REEP3: variants seen among roughly 807,000 people sequenced by gnomAD.
The protein encoded by REEP3 is receptor accessory protein 3.
A neutral mutation model predicts 41.3 loss-of-function variants in REEP3; 20 were observed. That is an observed-to-expected ratio of 0.48 (90% CI 0.34 to 0.70). The LOEUF is 0.70. Among genes scored for constraint, REEP3 ranks in the 30% least tolerant of loss-of-function variants. The pLI, the probability that REEP3 is intolerant of heterozygous loss-of-function variation, is 0.01. For missense variants in REEP3, 271 were observed against 308.8 expected, an observed-to-expected ratio of 0.88 and a Z score of 0.92; for synonymous variants, 104 against 101.8, an observed-to-expected ratio of 1.02 and a Z score of -0.13.
chr10:63,570,295 A>G (rs1564481385), intron 2 of REEP3, among the ~76,000 whole-genome samples: 1 of 152,216 alleles, frequency 6.6e-6, no homozygotes, highest in African/African-American at 2.4e-5. Context: ...TATAAACATG[A>G]TATGTATTGA....
intron 5 of REEP3, among the ~76,000 whole-genome samples, chr10:63,604,950 A>G (rs1205253369): frequency 6.6e-6 from 1 of 152,134 alleles, no homozygotes; most frequent in African/African-American, 2.4e-5. Context: ...TTGTGCCCCT[A>G]CCCTTACCAC....
intron 5 of REEP3, among the ~76,000 whole-genome samples, chr10:63,604,154 T>C (rs1956201841): frequency 6.6e-6 from 1 of 152,126 alleles, no homozygotes; most frequent in Non-Finnish European, 1.5e-5. Context: ...AAGGTGAAAA[T>C]AGGAATCTAA....
intron 1 of REEP3, among the ~76,000 whole-genome samples, chr10:63,524,283 C>G (rs1397963651): frequency 6.6e-6 from 1 of 152,120 alleles, no homozygotes; most frequent in East Asian, 1.9e-4. Context: ...ACTGAGACAA[C>G]CACCTCCTCC....
chr10:63,569,799 G>A (rs1049950375), intron 2 of REEP3, among the ~76,000 whole-genome samples: 20 of 151,878 alleles, frequency 1.3e-4, no homozygotes, highest in African/African-American at 2.2e-4. Context: ...AAAATTAGCC[G>A]GGTATGGTGG....
At chr10:63,610,836 C>T (rs1207084561) in intron 6 of REEP3, among the ~76,000 whole-genome samples, 1 of 151,956 alleles carries the variant, frequency 6.6e-6, no homozygotes, top group African/African-American at 2.4e-5. Context: ...TTTGGGAGGC[C>T]GAGGTGGGCG....
chr10:63,608,378 T>C (rs565153109), intron 5 of REEP3, among the ~76,000 whole-genome samples: 4 of 152,352 alleles, frequency 2.6e-5, no homozygotes, highest in South Asian at 4.1e-4. Context: ...AAATGGCATT[T>C]GGTTTTGACA....
intron 2 of REEP3, among the ~76,000 whole-genome samples, chr10:63,593,484 T>A (rs1362318231): frequency 6.6e-6 from 1 of 152,218 alleles, no homozygotes; most frequent in Non-Finnish European, 1.5e-5. Flanking sequence ...TTAATTATAT[T>A]TCCTACTTTG....
At chr10:63,535,817 A>G (rs1412570621) in intron 1 of REEP3, among the ~76,000 whole-genome samples, 1 of 152,242 alleles carries the variant, frequency 6.6e-6, no homozygotes, top group Non-Finnish European at 1.5e-5. Context: ...GATCTTTACT[A>G]CACAGCAGAC....
chr10:63,576,866 A>G (rs1486656426), intron 2 of REEP3, among the ~76,000 whole-genome samples: 2 of 152,182 alleles, frequency 1.3e-5, no homozygotes, highest in Non-Finnish European at 2.9e-5. Flanking sequence ...TTTCATATAA[A>G]GACACCAGCC....
chr10:63,600,920 G>A (rs778743541), intron 5 of REEP3, among the ~76,000 whole-genome samples: 6 of 151,992 alleles, frequency 3.9e-5, no homozygotes, highest in South Asian at 2.1e-4. Context: ...TTGGGAGGCC[G>A]AGGCAGATGG....
chr10:63,527,019 TC>T (rs1955371103), intron 1 of REEP3, among the ~76,000 whole-genome samples: 1 of 152,198 alleles, frequency 6.6e-6, no homozygotes, highest in South Asian at 2.1e-4. Flanking sequence ...CCTTTTCAAT[TC>T]TATATATCGA....
rs77733642 is a variant in REEP3, at chr10:63,585,595, T to A, written c.106-9183T>A. Among the ~76,000 whole-genome samples, 892 of 152,162 alleles carry A rather than the reference T, an allele frequency of 5.9e-3. 1 individual carries two copies. The highest frequency in any genetic ancestry group is 0.011 in the Non-Finnish European group (720 of 67,952). Reference sequence around the variant, plus strand: ...TTTATGACTATCTCATGTCAAAGGTTTTGTTTGTAGTAGGCCCTAAGTAAT... The same window carrying A: ...TTTATGACTATCTCATGTCAAAGGTATTGTTTGTAGTAGGCCCTAAGTAAT... On this transcript the variant is annotated intron_variant, in intron 2 of 7. Coordinates refer to ENST00000373758, the MANE Select transcript of REEP3 (RefSeq NM_001001330.3).
chr10:63,604,530 A>T (rs1277202595), intron 5 of REEP3, among the ~76,000 whole-genome samples: 1 of 152,188 alleles, frequency 6.6e-6, no homozygotes, highest in Non-Finnish European at 1.5e-5. Context: ...TACAGGTAAA[A>T]TTGTTGAAAT....
At chr10:63,541,200 TTA>T (rs946587028) in intron 1 of REEP3, among the ~76,000 whole-genome samples, 1 of 152,222 alleles carries the variant, frequency 6.6e-6, no homozygotes, top group African/African-American at 2.4e-5. Context: ...TACCTTTATT[TTA>T]TAGTCTCAAT....
intron 6 of REEP3, among the ~76,000 whole-genome samples, chr10:63,615,154 G>T (rs115497692): frequency 2.3e-3 from 356 of 152,252 alleles, no homozygotes; most frequent in African/African-American, 8.3e-3. Context: ...ATAAGAGAAA[G>T]TTTGGAAGGG....
At chr10:63,544,728 G>A (rs1323143549) in intron 1 of REEP3, among the ~76,000 whole-genome samples, 1 of 152,180 alleles carries the variant, frequency 6.6e-6, no homozygotes, top group Non-Finnish European at 1.5e-5. Context: ...TGTTCATTTT[G>A]TTGTTAGACT....
intron 5 of REEP3, among the ~76,000 whole-genome samples, chr10:63,604,161 C>G (rs1462069416): frequency 6.6e-6 from 1 of 152,190 alleles, no homozygotes; most frequent in African/African-American, 2.4e-5. Context: ...AAATAGGAAT[C>G]TAATCAGAAC....
intron 1 of REEP3, among the ~76,000 whole-genome samples, chr10:63,560,536 T>G (rs1955730927): frequency 6.6e-6 from 1 of 152,210 alleles, no homozygotes; most frequent in Admixed American, 6.5e-5. Flanking sequence ...ATGGTGCAGA[T>G]TTTTCAACAT....
At chr10:63,532,068 A>G (rs369751649) in intron 1 of REEP3, among the ~76,000 whole-genome samples, 5 of 152,218 alleles carry the variant, frequency 3.3e-5, no homozygotes, top group African/African-American at 1.2e-4. Flanking sequence ...TTTAGCCTGT[A>G]AATGAAGTAT....
Sources: gnomAD v4.1 joint callset for allele counts (sites outside exome capture counted in the v4.1 genomes callset) on GRCh38, gnomAD v4.1.1 for gene constraint, MANE v1.5 for transcripts, NCBI Gene and HGNC (gene_info 2026-07-23, HGNC 2026-07-21) for gene names.